SOX5: variants seen among roughly 807,000 people sequenced by gnomAD.
The protein encoded by SOX5 is transcription factor SOX-5.
A neutral mutation model predicts 92.0 loss-of-function variants in SOX5; 9 were observed. The ratio of observed to expected loss-of-function variants is 0.10; its 90% CI spans 0.06 to 0.17. SOX5 has a LOEUF of 0.17. Ranked by LOEUF, SOX5 falls within the 10% of genes least tolerant of loss-of-function variation. The pLI is 1.00. For missense variants in SOX5, 642 were observed against 944.5 expected (o/e 0.68, Z 4.20); for synonymous variants, 344 against 336.3 (o/e 1.02, Z -0.25).
intron 3 of SOX5, among the ~76,000 whole-genome samples, chr12:23,805,649 A>G (rs998547065): frequency 1.3e-5 from 2 of 152,182 alleles, no homozygotes; most frequent in Non-Finnish European, 2.9e-5. Context: ...AGGATGGTCT[A>G]TACAAATATA....
chr12:24,552,096 C>T (rs985835107), intron 1 of SOX5, among the ~76,000 whole-genome samples: 1 of 152,188 alleles, frequency 6.6e-6, no homozygotes, highest in African/African-American at 2.4e-5. Flanking sequence ...CTCCCCAACC[C>T]CTAGATTCCT....
chr12:24,239,969 T>C (rs1184394654), intron 3 of SOX5, among the ~76,000 whole-genome samples: 1 of 152,172 alleles, frequency 6.6e-6, no homozygotes, highest in East Asian at 1.9e-4. Flanking sequence ...CGGCTCCAGA[T>C]ACAAGGCTTT....
At chr12:24,439,207 T>A (rs1227852925) in intron 1 of SOX5, among the ~76,000 whole-genome samples, 1 of 152,248 alleles carries the variant, frequency 6.6e-6, no homozygotes, top group Non-Finnish European at 1.5e-5. Flanking sequence ...AAAGTATTTT[T>A]AATTAAGGTA....
chr12:23,900,630 A>G (rs1169146896), intron 1 of SOX5, among the ~76,000 whole-genome samples: 3 of 152,158 alleles, frequency 2.0e-5, no homozygotes, highest in Admixed American at 1.3e-4. Context: ...AAAGCTCCCC[A>G]TGATTTTAAT....
chr12:23,536,733 G>A (rs1427358743), intron 13 of SOX5, 64 bp from the exon 14 acceptor site: 15 of 1,243,258 alleles, frequency 1.2e-5, no homozygotes, highest in Non-Finnish European at 1.7e-5. Flanking sequence ...AAAGTGATAT[G>A]GCTGAGAACA....
At chr12:23,784,933 T>C (rs1294215872) in intron 3 of SOX5, among the ~76,000 whole-genome samples, 1 of 152,046 alleles carries the variant, frequency 6.6e-6, no homozygotes, top group Non-Finnish European at 1.5e-5. Context: ...TTAAAAGAAA[T>C]CAGCTGAGTG....
At chr12:23,970,230 CTT>C (rs58753796) in intron 4 of SOX5, among the ~76,000 whole-genome samples, 1 of 149,450 alleles carries the variant, frequency 6.7e-6, no homozygotes, top group Non-Finnish European at 1.5e-5. Context: ...CAGCTGACTT[CTT>C]TTTTTTTTGG....
chr12:23,950,233 G>T (rs79647889), upstream of SOX5, among the ~76,000 whole-genome samples: 21 of 150,286 alleles, frequency 1.4e-4, no homozygotes, highest in East Asian at 4.1e-3. Context: ...CCTTTTCTAG[G>T]CTCTCTCCGT....
intron 2 of SOX5, among the ~76,000 whole-genome samples, chr12:23,882,868 AG>A (rs1345717934): frequency 6.6e-6 from 1 of 152,128 alleles, no homozygotes; most frequent in Non-Finnish European, 1.5e-5. Flanking sequence ...GCTGTGTGTC[AG>A]CCACTGTGCC....
At chr12:24,104,232 T>C (rs111346381) in intron 4 of SOX5, among the ~76,000 whole-genome samples, 1,980 of 152,208 alleles carry the variant, frequency 0.013, 34 homozygotes, top group African/African-American at 0.044. Context: ...AATTAGAAAA[T>C]ATTATCACAA....
At chr12:23,549,408 GT>G (rs1943753878) in intron 11 of SOX5, among the ~76,000 whole-genome samples, 1 of 151,836 alleles carries the variant, frequency 6.6e-6, no homozygotes, top group African/African-American at 2.4e-5. Context: ...TAAAAATCAT[GT>G]TACTCAAGAG....
At chr12:23,985,275 C>T (rs1264603958) in intron 4 of SOX5, among the ~76,000 whole-genome samples, 1 of 149,382 alleles carries the variant, frequency 6.7e-6, no homozygotes, top group Non-Finnish European at 1.5e-5. Context: ...GACAGGGTCC[C>T]ACTCCATCAC....
intron 2 of SOX5, among the ~76,000 whole-genome samples, chr12:24,306,980 G>A (rs1033863125): frequency 2.6e-5 from 4 of 152,104 alleles, no homozygotes; most frequent in African/African-American, 9.6e-5. Flanking sequence ...AAAACTACAC[G>A]ATGATTAAAG....
intron 6 of SOX5, among the ~76,000 whole-genome samples, chr12:23,706,265 G>T (rs1242726429): frequency 1.3e-5 from 2 of 152,006 alleles, no homozygotes; most frequent in African/African-American, 2.4e-5. Flanking sequence ...TCTAATAACT[G>T]GTCCTGGTAT....
intron 1 of SOX5, among the ~76,000 whole-genome samples, chr12:24,406,367 T>C (rs183470567): frequency 1.3e-5 from 2 of 148,536 alleles, no homozygotes; most frequent in East Asian, 1.9e-4. Context: ...CTCCCAAAAG[T>C]GATCAACTGA....
intron 3 of SOX5, among the ~76,000 whole-genome samples, chr12:24,250,003 A>G (rs2140148357): frequency 6.6e-6 from 1 of 152,332 alleles, no homozygotes; most frequent in African/African-American, 2.4e-5. Context: ...ATATCTTCAC[A>G]TTGAGCCTCA....
At chr12:23,925,314 G>A (rs1410584656) in intron 1 of SOX5, among the ~76,000 whole-genome samples, 1 of 152,006 alleles carries the variant, frequency 6.6e-6, no homozygotes, top group Non-Finnish European at 1.5e-5. Flanking sequence ...TTAATTTTTA[G>A]TAGAGGGCAA....
chr12:23,666,132 G>A (rs776278464), intron 6 of SOX5, among the ~76,000 whole-genome samples: 9 of 149,002 alleles, frequency 6.0e-5, no homozygotes, highest in Non-Finnish European at 1.3e-4. Flanking sequence ...TTTTTTAATA[G>A]AAGAGGTAAG....
chr12:23,648,111 T>C (rs2081102307), intron 7 of SOX5, among the ~76,000 whole-genome samples: 1 of 152,138 alleles, frequency 6.6e-6, no homozygotes, highest in Non-Finnish European at 1.5e-5. Context: ...ATTATAACTA[T>C]AATACCAAAG....
Sources: gnomAD v4.1 joint callset for allele counts (sites outside exome capture counted in the v4.1 genomes callset) on GRCh38, gnomAD v4.1.1 for gene constraint, MANE v1.5 for transcripts, NCBI Gene and HGNC (gene_info 2026-07-23, HGNC 2026-07-21) for gene names.